The following CSMD1 variants were observed in gnomAD, a reference collection of about 807,000 sequenced individuals.
CSMD1 encodes the protein CUB and Sushi multiple domains 1.
A neutral mutation model predicts 417.5 loss-of-function variants in CSMD1; 213 were observed. The observed-to-expected ratio is 0.51, with a 90% CI of 0.46 to 0.57. The LOEUF (loss-of-function observed/expected upper bound fraction) is 0.57. Among genes scored for constraint, CSMD1 ranks in the 20% least tolerant of loss-of-function variants. The probability of loss-of-function intolerance (pLI) is 0.00; values close to 1 mark genes in which losing one functional copy is unlikely to be tolerated. For synonymous variants in CSMD1, 2,862 were observed against 1,736.8 expected (o/e 1.65, Z -16.11); for missense variants, 6,923 against 4,529.7 (o/e 1.53, Z -15.17).
chr8:4,511,360 T>C (rs905679521), intron 2 of CSMD1, among the ~76,000 whole-genome samples: 1 of 152,202 alleles, frequency 6.6e-6, no homozygotes, highest in African/African-American at 2.4e-5. Context: ...GCATGCAGGC[T>C]TCTCCTTCGC....
intron 47 of CSMD1, 60 bp from the exon 48 acceptor site, chr8:3,091,722 C>T: frequency 1.4e-6 from 2 of 1,480,408 alleles, no homozygotes; most frequent in Non-Finnish European, 1.8e-6. Context: ...CAAATGCATA[C>T]TAGGTTTAGC....
At chr8:3,775,752 T>C (rs1798857112) in intron 5 of CSMD1, among the ~76,000 whole-genome samples, 1 of 152,148 alleles carries the variant, frequency 6.6e-6, no homozygotes, top group Non-Finnish European at 1.5e-5. Context: ...TATAAACTTG[T>C]TTTACTGCCT....
At position 2,965,901 on chromosome 8, in the gene CSMD1, C is replaced by A; in HGVS notation, c.9154G>T (p.Asp3052Tyr). The A allele has an allele frequency of 6.2e-7, 1 of 1,610,118 alleles. No homozygotes were observed. Among genetic ancestry groups the A allele is most frequent in the African/African-American group, 1.3e-5 (1 of 75,006 alleles). Residue 3052 changes from aspartate (D) to tyrosine (Y), a missense_variant, in exon 59 of 70, where the codon GAC (aspartate) becomes TAC (tyrosine). Coordinates refer to ENST00000635120, the MANE Select transcript of CSMD1 (RefSeq NM_033225.6). The stretch of plus-strand genomic sequence containing the variant: ...CTCACAGTCTTGTTGAAGGTGAAGT[C>A]GGTCCCAAACTGGATGCCATTTGCT... Reference protein sequence around the residue: ...TLANGIQFGTDFTFNKTVSYQ... With the variant: ...TLANGIQFGTYFTFNKTVSYQ...
chr8:4,958,993 C>T (rs532149149), intron 1 of CSMD1, among the ~76,000 whole-genome samples: 9 of 152,230 alleles, frequency 5.9e-5, no homozygotes, highest in Admixed American at 2.0e-4. Context: ...AACGTGAAAA[C>T]TTAAATCTTA....
intron 3 of CSMD1, among the ~76,000 whole-genome samples, chr8:4,380,513 A>G (rs555430679): frequency 6.6e-5 from 10 of 152,332 alleles, no homozygotes; most frequent in Admixed American, 6.5e-4. Context: ...CGTCACAGCC[A>G]AGGGGAGCCC....
intron 5 of CSMD1, among the ~76,000 whole-genome samples, chr8:3,892,148 G>A (rs985596022): frequency 6.6e-6 from 1 of 152,248 alleles, no homozygotes; most frequent in Admixed American, 6.5e-5. Flanking sequence ...TAAAGTGAAA[G>A]GTAACAGCCC....
intron 7 of CSMD1, among the ~76,000 whole-genome samples, chr8:3,692,099 T>C (rs976786748): frequency 1.3e-5 from 2 of 152,148 alleles, no homozygotes; most frequent in Admixed American, 1.3e-4. Context: ...CTCTGACTCA[T>C]CTGGAGAGGC....
At chr8:4,079,882 G>C (rs1304328728) in intron 3 of CSMD1, among the ~76,000 whole-genome samples, 1 of 152,122 alleles carries the variant, frequency 6.6e-6, no homozygotes, top group Non-Finnish European at 1.5e-5. Context: ...ATCTTCATAG[G>C]CTGGGGCAGA....
chr8:4,699,284 C>T (rs1368234460), intron 1 of CSMD1, among the ~76,000 whole-genome samples: 1 of 152,190 alleles, frequency 6.6e-6, no homozygotes, highest in Admixed American at 6.5e-5. Context: ...TCTATACCAA[C>T]AGTACCTCTC....
intron 12 of CSMD1, among the ~76,000 whole-genome samples, chr8:3,465,780 G>A (rs1036683006): frequency 5.3e-5 from 8 of 152,102 alleles, no homozygotes; most frequent in African/African-American, 1.7e-4. Flanking sequence ...AATTCAAGTC[G>A]ATGTTAAAAT....
intron 11 of CSMD1, among the ~76,000 whole-genome samples, chr8:3,492,744 T>C (rs891986081): frequency 6.6e-6 from 1 of 152,202 alleles, no homozygotes; most frequent in Non-Finnish European, 1.5e-5. Flanking sequence ...GGGATCAGTC[T>C]GCAAATATTC....
At chr8:4,299,059 G>A (rs965689372) in intron 3 of CSMD1, among the ~76,000 whole-genome samples, 1 of 152,092 alleles carries the variant, frequency 6.6e-6, no homozygotes, top group Non-Finnish European at 1.5e-5. Context: ...ATATTCTCCT[G>A]TTAATCCTAT....
At chr8:3,728,258 C>CT (rs1479145651) in intron 6 of CSMD1, among the ~76,000 whole-genome samples, 1 of 152,168 alleles carries the variant, frequency 6.6e-6, no homozygotes, top group East Asian at 1.9e-4. Flanking sequence ...TTCTTATTCT[C>CT]TCTTTGCCGC....
At chr8:3,521,937 C>T (rs1163410554) in intron 10 of CSMD1, among the ~76,000 whole-genome samples, 1 of 152,138 alleles carries the variant, frequency 6.6e-6, no homozygotes, top group Non-Finnish European at 1.5e-5. Context: ...CCATATTCAT[C>T]ACATATTGGA....
chr8:3,902,859 C>G (rs1191314340), intron 5 of CSMD1, among the ~76,000 whole-genome samples: 3 of 144,748 alleles, frequency 2.1e-5, no homozygotes, highest in Non-Finnish European at 3.0e-5. Context: ...TAAATAGTAG[C>G]TACATCCAAC....
chr8:4,517,205 G>A (rs1406896169), intron 2 of CSMD1, among the ~76,000 whole-genome samples: 3 of 152,148 alleles, frequency 2.0e-5, no homozygotes, highest in African/African-American at 7.2e-5. Flanking sequence ...GAGACATAAT[G>A]ATATCATATT....
chr8:3,627,451 G>A (rs1423726514), intron 7 of CSMD1, among the ~76,000 whole-genome samples: 1 of 152,116 alleles, frequency 6.6e-6, no homozygotes, highest in Non-Finnish European at 1.5e-5. Context: ...GCACTGAGAA[G>A]ACTATGTAGG....
intron 12 of CSMD1, among the ~76,000 whole-genome samples, chr8:3,450,429 T>A (rs1815624406): frequency 6.6e-6 from 1 of 152,092 alleles, no homozygotes; most frequent in South Asian, 2.1e-4. Context: ...TCATTTAGCA[T>A]TAGGTATATC....
intron 5 of CSMD1, among the ~76,000 whole-genome samples, chr8:3,945,710 C>A (rs1044329610): frequency 1.3e-5 from 2 of 152,038 alleles, no homozygotes; most frequent in African/African-American, 4.8e-5. Flanking sequence ...ATTTAAAGCT[C>A]ATTTCCTTAC....
Sources: gnomAD v4.1 joint callset for allele counts (sites outside exome capture counted in the v4.1 genomes callset) on GRCh38, gnomAD v4.1.1 for gene constraint, MANE v1.5 for transcripts, NCBI Gene and HGNC (gene_info 2026-07-23, HGNC 2026-07-21) for gene names.